SERPINA6: variants seen among roughly 807,000 people sequenced by gnomAD.
SERPINA6 encodes the protein corticosteroid-binding globulin.
A neutral mutation model predicts 26.4 loss-of-function variants in SERPINA6; 19 were observed. The observed-to-expected ratio is 0.72, with a 90% CI of 0.50 to 1.06. The LOEUF (loss-of-function observed/expected upper bound fraction) is 1.06, where lower values mean the gene tolerates loss of function less well. SERPINA6 is among the 50% of genes least tolerant of loss of function. SERPINA6 has a pLI of 0.00. For missense variants in SERPINA6, 473 were observed against 504.0 expected (o/e 0.94, Z 0.59); for synonymous variants, 196 against 199.4 (o/e 0.98, Z 0.14).
chr14:94,314,070 G>GCCA lies in SERPINA6; in HGVS notation c.578_579insTGG (p.Ala193_Ile194insGly), dbSNP rs777254129. The GCCA allele has an allele frequency of 6.2e-7, 1 of 1,614,178 alleles. No individual in the cohort carries two copies. ...AGATATAGTTGACCAGGACGAGGAT[G>GCCA]GCTGGGCTATCCAGCCCTGAAAACA... On this transcript the variant is annotated inframe_insertion, in exon 2 of 5. Transcript: ENST00000341584.
chr14:94,322,948 CT>C (rs3830907), intron 1 of SERPINA6, among the ~76,000 whole-genome samples: 44,751 of 152,036 alleles, frequency 0.29, 6,927 homozygotes, highest in South Asian at 0.47. Context: ...GCTGTTGTGG[CT>C]GTTGTGGCTA....
intron 1 of SERPINA6, among the ~76,000 whole-genome samples, chr14:94,318,984 G>A (rs942946309): frequency 2.1e-4 from 32 of 152,174 alleles, no homozygotes; most frequent in African/African-American, 7.2e-4. Context: ...AATAAACCCA[G>A]TTAGAAATGG....
At chr14:94,313,165 T>C (rs2139721721) in intron 2 of SERPINA6, among the ~76,000 whole-genome samples, 1 of 152,238 alleles carries the variant, frequency 6.6e-6, no homozygotes, top group Non-Finnish European at 1.5e-5. Context: ...TGAGGGAAGA[T>C]GTTTTAGGCA....
At chr14:94,315,669 A>C (rs1895604448) in intron 1 of SERPINA6, among the ~76,000 whole-genome samples, 1 of 152,230 alleles carries the variant, frequency 6.6e-6, no homozygotes, top group Non-Finnish European at 1.5e-5. Context: ...CCATGCAAAT[A>C]GTAATCAAAA....
At chr14:94,316,896 C>G (rs968283829) in intron 1 of SERPINA6, among the ~76,000 whole-genome samples, 2 of 152,178 alleles carry the variant, frequency 1.3e-5, no homozygotes, top group Non-Finnish European at 2.9e-5. Context: ...AAACCAGCAG[C>G]CTTATTAGGC....
chr14:94,322,736 A>C (rs1895700772), intron 1 of SERPINA6, among the ~76,000 whole-genome samples: 1 of 152,322 alleles, frequency 6.6e-6, no homozygotes, highest in African/African-American at 2.4e-5. Context: ...GGTACAGTGC[A>C]GACAGTTCTG....
At chr14:94,305,140 T>C (rs1895419025) in intron 4 of SERPINA6, among the ~76,000 whole-genome samples, 1 of 152,204 alleles carries the variant, frequency 6.6e-6, no homozygotes, top group Admixed American at 6.5e-5. Flanking sequence ...ACTCATAACC[T>C]GGCTAAATAA....
At chr14:94,312,890 T>C (rs1895552109) in intron 2 of SERPINA6, among the ~76,000 whole-genome samples, 1 of 152,340 alleles carries the variant, frequency 6.6e-6, no homozygotes, top group Admixed American at 6.5e-5. Context: ...ACATCTCCTC[T>C]GATCTGATGA....
At chr14:94,316,368 C>T (rs531258764) in intron 1 of SERPINA6, among the ~76,000 whole-genome samples, 11 of 152,276 alleles carry the variant, frequency 7.2e-5, no homozygotes, top group Admixed American at 3.3e-4. Flanking sequence ...AGGTCTGATA[C>T]ATCTAGCTTT....
chr14:94,305,121 ACT>A (rs1404764843), intron 4 of SERPINA6, among the ~76,000 whole-genome samples: 2 of 152,122 alleles, frequency 1.3e-5, no homozygotes, highest in Non-Finnish European at 2.9e-5. Flanking sequence ...GTATCAAAAG[ACT>A]CTGGTAACTC....
chr14:94,314,764 C>A, intron 1 of SERPINA6, 97 bp from the exon 2 acceptor site: 1 of 1,146,788 alleles, frequency 8.7e-7, no homozygotes. Flanking sequence ...ATTCAAGCCC[C>A]AGTTCCTTCC....
At chr14:94,321,653 G>A (rs1895685895) in intron 1 of SERPINA6, among the ~76,000 whole-genome samples, 2 of 152,100 alleles carry the variant, frequency 1.3e-5, no homozygotes, top group South Asian at 2.1e-4. Context: ...CCTCAGTCCT[G>A]CCTATGTGGC....
chr14:94,306,307 A>G, intron 3 of SERPINA6, 89 bp from the exon 4 acceptor site: 1 of 1,406,486 alleles, frequency 7.1e-7, no homozygotes, highest in Non-Finnish European at 1.0e-6. Flanking sequence ...CCAGACTCTT[A>G]TTTCCTCATG....
rs1359225041 is a variant in SERPINA6 at position 94,314,147 on chromosome 14, T to A, written c.502A>T (p.Arg168Ter). The change falls in exon 2 of 5, where the codon AGA becomes TGA. Residue 168 changes from arginine (R) to a stop codon, truncating the protein, a stop_gained. Coordinates refer to ENST00000341584, the MANE Select transcript of SERPINA6 (RefSeq NM_001756.4). LOFTEE classifies it high-confidence loss of function. The part of the protein sequence containing the change: ...MNFQDWATAS[R>*]QINSYVKNKT... ...TTCTTGACATAGCTGTTGATCTGTCTGCTGGCTGTTGCCCAGTCCTGGAAA... is the reference window on the plus strand; with the variant it reads ...TTCTTGACATAGCTGTTGATCTGTCAGCTGGCTGTTGCCCAGTCCTGGAAA... 1 of 1,614,254 alleles carries A rather than the reference T, an allele frequency of 6.2e-7. No homozygotes were observed. Among genetic ancestry groups the A allele is most frequent in the Admixed American group, 1.7e-5 (1 of 60,032 alleles).
chr14:94,309,615 A>C, intron 3 of SERPINA6, 121 bp downstream of exon 3: 1 of 1,163,354 alleles, frequency 8.6e-7, no homozygotes, highest in Non-Finnish European at 1.3e-6. Flanking sequence ...AGACAGGAAA[A>C]CTGAGCCCTG....
rs745324496 is a variant in SERPINA6 at position 94,309,952 on chromosome 14, A to G, written c.668T>C (p.Val223Ala). 1.5e-5 allele frequency: 25 copies of G among 1,614,142 alleles called. No homozygotes were observed. The Admixed American group carries it at 4.0e-4, about 26-fold the overall frequency. ...CACCTTCACCACAGTTGTCTCGTCC[A>G]CATAGAAGTTCTCCTCCCTGGTGCT... ...LASTREENFY[V>A]DETTVVKVPM... Residue 223 changes from valine (V) to alanine (A), a missense_variant, in exon 3 of 5, where the codon GTG becomes GCG. Transcript: ENST00000341584.
intron 3 of SERPINA6, among the ~76,000 whole-genome samples, chr14:94,309,313 ATTTCAT>A (rs377404880): frequency 0.72 from 109,148 of 151,832 alleles, 39,858 homozygotes; most frequent in East Asian, 0.99. Flanking sequence ...TGATGTATAC[ATTTCAT>A]TATCATTTTC....
chr14:94,315,077 C>T (rs1595575639), intron 1 of SERPINA6, among the ~76,000 whole-genome samples: 1 of 152,156 alleles, frequency 6.6e-6, no homozygotes, highest in Admixed American at 6.5e-5. Flanking sequence ...CCCAGAAAAA[C>T]AAAAGCTGAG....
At chr14:94,320,968 C>T (rs1246059555) in intron 1 of SERPINA6, among the ~76,000 whole-genome samples, 6 of 152,036 alleles carry the variant, frequency 3.9e-5, no homozygotes, top group Non-Finnish European at 7.4e-5. Flanking sequence ...TCTTTTGTCG[C>T]GAAACCCAGA....
Sources: allele counts gnomAD v4.1 joint callset (sites outside exome capture counted in the v4.1 genomes callset), GRCh38; gene constraint gnomAD v4.1.1; transcripts MANE v1.5; gene names NCBI Gene and HGNC (gene_info 2026-07-23, HGNC 2026-07-21).